PLS1: variants seen among roughly 807,000 people sequenced by gnomAD.
PLS1 encodes the protein plastin 1, also known as plastin-1.
Under a neutral mutation model 73.7 loss-of-function variants are expected in PLS1, and 32 were observed. The observed-to-expected ratio is 0.43, with a 90% CI of 0.33 to 0.58. The LOEUF is 0.58. PLS1 is among the 20% of genes least tolerant of loss of function. PLS1 has a pLI of 0.04. For missense variants in PLS1, 633 were observed against 740.5 expected, an observed-to-expected ratio of 0.85 and a Z score of 1.68; for synonymous variants, 217 against 261.3, an observed-to-expected ratio of 0.83 and a Z score of 1.63.
chr3:142,659,311 G>T (rs2037312059), intron 1 of PLS1, among the ~76,000 whole-genome samples: 1 of 152,040 alleles, frequency 6.6e-6, no homozygotes, highest in African/African-American at 2.4e-5. Context: ...TAGAATAGCT[G>T]GGAAATGAAA....
Position 142,669,400 on chromosome 3 carries a change from T to C in PLS1, c.81T>C (p.Asn27=), listed in dbSNP as rs1466781604. ...AATATATCTTTACAGATATTGACAA[T>C]AGTGGGTATGTCAGTGACTATGAAC... The part of the protein sequence containing the change: ...QEAFNKIDID[N]SGYVSDYELQ... The change falls in exon 3 of 16, where the codon AAT becomes AAC. Residue 27 remains asparagine (N), a synonymous_variant. Transcript: ENST00000457734. The C allele has an allele frequency of 1.3e-6, 2 of 1,545,546 alleles. No individual in the cohort carries two copies. Among genetic ancestry groups the C allele is most frequent in the South Asian group, 2.3e-5 (2 of 86,730 alleles).
intron 8 of PLS1, 25 bp downstream of exon 8, chr3:142,684,420 G>A (rs369884026): frequency 8.1e-5 from 130 of 1,596,538 alleles, no homozygotes; most frequent in Non-Finnish European, 1.1e-4. Flanking sequence ...GTTCAAATTT[G>A]TGACATGAAA....
At chr3:142,654,234 T>G (rs1221311565) in intron 1 of PLS1, among the ~76,000 whole-genome samples, 1 of 152,218 alleles carries the variant, frequency 6.6e-6, no homozygotes, top group Non-Finnish European at 1.5e-5. Context: ...AAGATTTCTT[T>G]GTTTATATAT....
Position 142,671,081 on chromosome 3 carries a change from C to T in PLS1, c.323C>T (p.Thr108Ile). 1 of 1,610,922 alleles carries T rather than the reference C, an allele frequency of 6.2e-7. No homozygotes were observed. Among genetic ancestry groups the T allele is most frequent in the Non-Finnish European group, 8.5e-7 (1 of 1,177,556 alleles). The change falls in exon 4 of 16, where the codon ACT (threonine) becomes ATT (isoleucine). Residue 108 changes from threonine (T) to isoleucine (I), a missense_variant. Physicochemically the swap from Thr to Ile is moderately conservative, Grantham distance 89. Coordinates refer to ENST00000457734, the MANE Select transcript of PLS1 (RefSeq NM_001145319.2). ...GAAGGGATTACTGCTATTGGAGGAACTTCAACTATTTCCAGTGAGGGCACA... is the reference window on the plus strand; with the variant it reads ...GAAGGGATTACTGCTATTGGAGGAATTTCAACTATTTCCAGTGAGGGCACA... ...KREGITAIGG[T>I]STISSEGTQH...
intron 2 of PLS1, among the ~76,000 whole-genome samples, chr3:142,667,556 TA>T (rs1166187239): frequency 6.6e-6 from 1 of 152,206 alleles, no homozygotes; most frequent in East Asian, 1.9e-4. Flanking sequence ...GTCACTTGGC[TA>T]AGCATATATG....
chr3:142,623,951 T>A (rs1237191788), intron 1 of PLS1, among the ~76,000 whole-genome samples: 2 of 152,162 alleles, frequency 1.3e-5, no homozygotes, highest in Non-Finnish European at 2.9e-5. Context: ...GCACTCTTTC[T>A]GTGCCATCTA....
chr3:142,653,541 T>C (rs1035326969), intron 1 of PLS1, among the ~76,000 whole-genome samples: 6 of 151,778 alleles, frequency 4.0e-5, no homozygotes, highest in African/African-American at 1.5e-4. Context: ...TTGTATTTTT[T>C]TTAGTAGAGA....
At position 142,636,164 on chromosome 3, in the gene PLS1, CTG is replaced by C. The variant is rs557351640; in HGVS notation, c.-36-28036_-36-28035del. Reference sequence around the variant, plus strand: ...ACTTCAGCTACCCAAAGTGTTGTGACTGTAGGTGTGAGCCACCACACCCAGCC... The same window carrying C: ...ACTTCAGCTACCCAAAGTGTTGTGACTAGGTGTGAGCCACCACACCCAGCC... On this transcript the variant is annotated intron_variant, in intron 1 of 15. Transcript: ENST00000457734. Among the ~76,000 whole-genome samples, 8 of 152,128 alleles carry C rather than the reference CTG, an allele frequency of 5.3e-5. No individual in the cohort carries two copies. In the South Asian group the frequency reaches 1.7e-3, roughly 32 times the overall value.
chr3:142,695,757 CTTACTTATTTAT>C (rs1448861192), intron 11 of PLS1, among the ~76,000 whole-genome samples: 4,351 of 135,070 alleles, frequency 0.032, 92 homozygotes, highest in African/African-American at 0.043. Flanking sequence ...AGTAAGGAGA[CTTACTTATTTAT>C]TTATTTATTT....
At chr3:142,607,244 A>T (rs542329999) in intron 1 of PLS1, among the ~76,000 whole-genome samples, 1 of 152,104 alleles carries the variant, frequency 6.6e-6, no homozygotes, top group Non-Finnish European at 1.5e-5. Flanking sequence ...GCTCCCATAT[A>T]CTCCCACACT....
intron 12 of PLS1, among the ~76,000 whole-genome samples, chr3:142,702,264 C>CA (rs2038347295): frequency 6.6e-6 from 1 of 152,198 alleles, no homozygotes; most frequent in Admixed American, 6.5e-5. Flanking sequence ...ACATTTTATT[C>CA]AATTTGTGAA....
At chr3:142,604,930 CG>C (rs1234520183) in intron 1 of PLS1, among the ~76,000 whole-genome samples, 1 of 134,678 alleles carries the variant, frequency 7.4e-6, no homozygotes. Context: ...AGCAAGACTC[CG>C]TCTCAAAAAA....
intron 1 of PLS1, among the ~76,000 whole-genome samples, chr3:142,639,759 G>C (rs2354859): frequency 0.15 from 23,520 of 152,222 alleles, 2,092 homozygotes; most frequent in Non-Finnish European, 0.2. Context: ...ATATGACTGA[G>C]TGCACAGGCA....
intron 14 of PLS1, among the ~76,000 whole-genome samples, 187 bp from the exon 15 acceptor site, chr3:142,711,314 A>T (rs1933114039): frequency 6.6e-6 from 1 of 152,178 alleles, no homozygotes; most frequent in Admixed American, 6.5e-5. Flanking sequence ...TATATTATAT[A>T]TAAAGATTCA....
intron 4 of PLS1, among the ~76,000 whole-genome samples, chr3:142,672,788 A>G (rs895079909): frequency 1.3e-5 from 2 of 152,230 alleles, no homozygotes; most frequent in South Asian, 2.1e-4. Flanking sequence ...TTGACATACC[A>G]TGGAATACAT....
rs574624016 is a variant in PLS1, at chr3:142,629,391, C to T, written c.-37+32882C>T. ...CTAATTTTTGTATTTTTAGTAGAGA[C>T]GGGGTTTCACCATGTTGGCCAGGCT... On this transcript the variant is annotated intron_variant, in intron 1 of 15. Transcript: ENST00000457734. Among the ~76,000 whole-genome samples the T allele has an allele frequency of 1.2e-4, 19 of 152,116 alleles. No individual in the cohort carries two copies. In the East Asian group the frequency reaches 2.1e-3, roughly 17 times the overall value.
chr3:142,669,663 T>G (rs542968737), intron 3 of PLS1, 110 bp downstream of exon 3: 1 of 600,534 alleles, frequency 1.7e-6, no homozygotes, highest in African/African-American at 2.6e-5. Flanking sequence ...GAAAAAGGAC[T>G]GCTTTAAAAT....
chr3:142,606,503 C>T (rs900236821), intron 1 of PLS1, among the ~76,000 whole-genome samples: 1 of 151,832 alleles, frequency 6.6e-6, no homozygotes, highest in Non-Finnish European at 1.5e-5. Context: ...TCAGACTTTC[C>T]TTAATATCAT....
chr3:142,665,950 G>A (rs1344591794), intron 2 of PLS1, among the ~76,000 whole-genome samples: 2 of 152,058 alleles, frequency 1.3e-5, no homozygotes, highest in Non-Finnish European at 1.5e-5. Context: ...TTCTGTTTGA[G>A]CAAAGCAGTA....
Sources: gnomAD v4.1 joint callset for allele counts (sites outside exome capture counted in the v4.1 genomes callset) on GRCh38, gnomAD v4.1.1 for gene constraint, MANE v1.5 for transcripts, NCBI Gene and HGNC (gene_info 2026-07-23, HGNC 2026-07-21) for gene names.